Variants in KMT2A observed in about 807,000 individuals in gnomAD.
KMT2A encodes the protein histone-lysine N-methyltransferase 2A.
In KMT2A, 16 loss-of-function variants were observed where a neutral mutation model predicts 345.3. The ratio of observed to expected loss-of-function variants is 0.05; its 90% CI spans 0.03 to 0.07. The LOEUF (loss-of-function observed/expected upper bound fraction) is 0.07, where lower values mean the gene tolerates loss of function less well. Among genes scored for constraint, KMT2A ranks in the 10% least tolerant of loss-of-function variants. The pLI, the probability that KMT2A is intolerant of heterozygous loss-of-function variation, is 1.00. For missense variants in KMT2A, 3,272 were observed against 4,841.6 expected, an observed-to-expected ratio of 0.68 and a Z score of 9.62; for synonymous variants, 1,599 against 1,778.6, an observed-to-expected ratio of 0.90 and a Z score of 2.54.
chr11:118,504,969 C>G lies in KMT2A; in HGVS notation c.9077C>G (p.Thr3026Ser), dbSNP rs373064982. Reference protein sequence around the residue: ...EQGHGNNQDLTRNSSTPGLQV... With the variant: ...EQGHGNNQDLSRNSSTPGLQV... Reference sequence around the variant, plus strand: ...GGTCATGGCAACAATCAGGATTTAACTAGGAACAGTAGCACCCCTGGCCTT... The same window carrying G: ...GGTCATGGCAACAATCAGGATTTAAGTAGGAACAGTAGCACCCCTGGCCTT... The change falls in exon 27 of 36, where the codon ACT (threonine) becomes AGT (serine). Residue 3026 changes from threonine to serine, a missense_variant. By Grantham distance (58) the Thr-to-Ser change is moderately conservative. Around this residue, in one of 27 missense-constraint regions of KMT2A, gnomAD observed 748 missense variants for 922.2 expected, o/e 0.81. Transcript: ENST00000534358. The surrounding 1 kb of genome is among the most constrained non-coding windows in gnomAD (Gnocchi z 6.4). The G allele has an allele frequency of 1.9e-6, 3 of 1,614,190 alleles. No individual in the cohort carries two copies. Among genetic ancestry groups the G allele is most frequent in the Non-Finnish European group, 2.5e-6 (3 of 1,180,038 alleles).
Position 118,484,076 on chromosome 11 carries a change from G to A in KMT2A, c.4087-107G>A. The A allele has an allele frequency of 9.0e-7, 1 of 1,112,944 alleles. No homozygotes were observed. The highest frequency in any genetic ancestry group is 2.4e-5 in the Admixed American group (1 of 41,948). The allele number at this position is 1,112,944 out of a possible 1,614,324, so 68.9% of individuals were successfully genotyped here. ...GATTATTTGTTTATGTTGGAAACATGTTTTTTAGATCTATTAATAAAATTT... is the reference window on the plus strand; with the variant it reads ...GATTATTTGTTTATGTTGGAAACATATTTTTTAGATCTATTAATAAAATTT... On this transcript the variant is annotated intron_variant, in intron 8 of 35. Transcript: ENST00000534358. The surrounding 1 kb of genome is among the most constrained non-coding windows in gnomAD (Gnocchi z 4.1).
At chr11:118,485,134 A>G (rs1950206628) in intron 10 of KMT2A, among the ~76,000 whole-genome samples, 159 bp downstream of exon 10, 1 of 152,222 alleles carries the variant, frequency 6.6e-6, no homozygotes, top group Non-Finnish European at 1.5e-5. Context: ...TTAGGAAGGA[A>G]TCTGCTATTA....
chr11:118,511,944 C>G lies in KMT2A; in HGVS notation c.11072-7C>G. 6.2e-7 allele frequency: 1 copy of G among 1,613,590 alleles called. No homozygotes were observed. The highest frequency in any genetic ancestry group is 8.5e-7 in the Non-Finnish European group (1 of 1,179,560). ...CTGGCTTACGGGTTTTCTTTATTTC[C>G]TTTCAGATGCCTGGAAGTCATTGAC... On this transcript the variant is annotated splice_polypyrimidine_tract_variant and splice_region_variant and intron_variant, in intron 30 of 35. Transcript: ENST00000534358.
intron 31 of KMT2A, among the ~76,000 whole-genome samples, chr11:118,518,736 C>G (rs1386041465): frequency 1.4e-5 from 2 of 139,268 alleles, no homozygotes; most frequent in Non-Finnish European, 3.0e-5. Flanking sequence ...GAGCTGAGAT[C>G]GGACCACTGC....
chr11:118,479,816 T>C (rs1950099884), intron 5 of KMT2A, among the ~76,000 whole-genome samples: 1 of 152,238 alleles, frequency 6.6e-6, no homozygotes, highest in Non-Finnish European at 1.5e-5. Flanking sequence ...GTCTGTTTTG[T>C]GTTAAGATTA....
chr11:118,439,674 A>G (rs1487428642), intron 1 of KMT2A, among the ~76,000 whole-genome samples: 1 of 152,250 alleles, frequency 6.6e-6, no homozygotes, highest in Admixed American at 6.5e-5. Flanking sequence ...AGTTATTTCA[A>G]ATAGGATCAT....
Position 118,505,536 on chromosome 11 carries a change from C to G in KMT2A, c.9644C>G (p.Ala3215Gly). The G allele has an allele frequency of 6.2e-7, 1 of 1,614,142 alleles. No homozygotes were observed. The highest frequency in any genetic ancestry group is 8.5e-7 in the Non-Finnish European group (1 of 1,180,034). Residue 3215 changes from alanine (A) to glycine (G), a missense_variant, in exon 27 of 36, where the codon GCC (alanine) becomes GGC (glycine). Around this residue, in one of 27 missense-constraint regions of KMT2A, gnomAD observed 748 missense variants for 922.2 expected, o/e 0.81. Coordinates refer to ENST00000534358, the MANE Select transcript of KMT2A (RefSeq NM_001197104.2). The surrounding 1 kb of genome is among the most constrained non-coding windows in gnomAD (Gnocchi z 4.6). ...SQRTDLSTTV[A>G]TPSSGLKKRP... ...AGGACAGACCTCAGTACCACAGTAG[C>G]CACTCCATCCTCTGGACTCAAGAAA... is the stretch of plus-strand genomic sequence containing the variant.
At chr11:118,460,297 TC>T (rs1198073480) in intron 1 of KMT2A, among the ~76,000 whole-genome samples, 1 of 152,226 alleles carries the variant, frequency 6.6e-6, no homozygotes, top group Non-Finnish European at 1.5e-5. Flanking sequence ...ATAGACTTTT[TC>T]TTTTTTCTGA....
chr11:118,467,826 G>A (rs567768672), intron 1 of KMT2A, among the ~76,000 whole-genome samples: 2 of 152,222 alleles, frequency 1.3e-5, no homozygotes, highest in South Asian at 4.1e-4. Context: ...CAGAATGTCT[G>A]TTCTTCATTC....
rs542341518 is a variant in KMT2A, at chr11:118,473,648, G to A, written c.2489G>A (p.Ser830Asn). 8 of 1,614,086 alleles carry A rather than the reference G, an allele frequency of 5.0e-6. No individual in the cohort carries two copies. Among genetic ancestry groups the A allele is most frequent in the South Asian group, 2.2e-5 (2 of 91,086 alleles). ...TSAPAEPFSSSSPTPLFPWFT... is the reference protein window; with the variant it reads ...TSAPAEPFSSNSPTPLFPWFT... ...GCTCCGGCAGAGCCATTTTCATCAA[G>A]TAGTCCTACTCCTCTCTTCCCTTGG... Residue 830 changes from serine to asparagine, a missense_variant, in exon 3 of 36, where the codon AGT (serine) becomes AAT (asparagine). Ser to Asn is a conservative substitution (Grantham distance 46). This residue lies in a region of KMT2A where 209 missense variants were observed against 237.4 expected (regional missense o/e 0.88). Coordinates refer to ENST00000534358, the MANE Select transcript of KMT2A (RefSeq NM_001197104.2). This position sits in a 1 kb window ranked among gnomAD's most constrained non-coding sequence, Gnocchi z 5.2.
chr11:118,483,252 G>T (rs1391029785), intron 8 of KMT2A, among the ~76,000 whole-genome samples: 4 of 148,692 alleles, frequency 2.7e-5, no homozygotes, highest in African/African-American at 7.4e-5. Context: ...AAAAAAAGTA[G>T]CCGGGCACGG....
At position 118,491,167 on chromosome 11, in the gene KMT2A, C is replaced by G. The variant is rs1555042342; in HGVS notation, c.4697-29C>G. On this transcript the variant is annotated intron_variant, in intron 13 of 35. Coordinates refer to ENST00000534358, the MANE Select transcript of KMT2A (RefSeq NM_001197104.2). This position sits in a 1 kb window ranked among gnomAD's most constrained non-coding sequence, Gnocchi z 4.2. ...AAAAACACGGGTATGTGAGCCAAAG[C>G]ACTGCTGTAAACTTTGCTTTGCTTT... 8 of 1,608,812 alleles carry G rather than the reference C, an allele frequency of 5.0e-6. No individual in the cohort carries two copies. Among genetic ancestry groups the G allele is most frequent in the Non-Finnish European group, 6.8e-6 (8 of 1,177,784 alleles).
chr11:118,492,126 T>C (rs1950333268), intron 15 of KMT2A, among the ~76,000 whole-genome samples, 198 bp downstream of exon 15: 1 of 152,210 alleles, frequency 6.6e-6, no homozygotes, highest in South Asian at 2.1e-4. Context: ...TTCAAAGGTC[T>C]TGCTGTTACA....
chr11:118,447,528 G>C (rs187572733), intron 1 of KMT2A: 2 of 250,300 alleles, frequency 8.0e-6, no homozygotes, highest in African/African-American at 4.6e-5. Flanking sequence ...GGTTTTGAAA[G>C]CGATGTTAGG....
rs375849517 is a variant in KMT2A, at chr11:118,481,788, C to G, written c.3708C>G (p.Asn1236Lys). The G allele has an allele frequency of 1.2e-6, 2 of 1,614,166 alleles. No homozygotes were observed. The highest frequency in any genetic ancestry group is 8.5e-7 in the Non-Finnish European group (1 of 1,180,016). ...GCAAAGAGAGCAGTGTTGTGAAGAA[C>G]GTGGTGGACTCTAGTCAGAAACCTA... ...KDSKESSVVK[N>K]VVDSSQKPTP... Residue 1236 changes from asparagine (N) to lysine (K), a missense_variant, in exon 7 of 36, where the codon AAC becomes AAG. Transcript: ENST00000534358.
At chr11:118,486,747 C>T (rs1465507581) in intron 10 of KMT2A, among the ~76,000 whole-genome samples, 2 of 151,922 alleles carry the variant, frequency 1.3e-5, no homozygotes, top group African/African-American at 4.8e-5. Flanking sequence ...GTAGCATGTG[C>T]CTGTAGTCCC....
Position 118,503,039 on chromosome 11 carries a change from G to A in KMT2A, c.7147G>A (p.Asp2383Asn), listed in dbSNP as rs376579850. The A allele has an allele frequency of 9.9e-6, 16 of 1,613,200 alleles. No homozygotes were observed. Among genetic ancestry groups the A allele is most frequent in the Admixed American group, 1.7e-5 (1 of 59,994 alleles). ...LHLRGQRNDR[D>N]QHTDSTQSAN... ...TTTGAGAGGGCAAAGGAATGATCGA[G>A]ACCAACACACAGATTCTACCCAATC... The change falls in exon 27 of 36, where the codon GAC becomes AAC. Residue 2383 changes from aspartate to asparagine, a missense_variant. Asp to Asn is a conservative substitution (Grantham distance 23). Coordinates refer to ENST00000534358, the MANE Select transcript of KMT2A (RefSeq NM_001197104.2). The surrounding 1 kb of genome is among the most constrained non-coding windows in gnomAD (Gnocchi z 5.3).
At position 118,498,299 on chromosome 11, in the gene KMT2A, A is replaced by G. The variant is rs1950442671; in HGVS notation, c.5803-71A>G. 3 of 1,414,272 alleles carry G rather than the reference A, an allele frequency of 2.1e-6. No homozygotes were observed. The South Asian group carries it at 3.9e-5, about 18-fold the overall frequency. The allele number at this position is 1,414,272 out of a possible 1,614,324, so 87.6% of individuals were successfully genotyped here. On this transcript the variant is annotated intron_variant, in intron 21 of 35. Coordinates refer to ENST00000534358, the MANE Select transcript of KMT2A (RefSeq NM_001197104.2). The surrounding 1 kb of genome is among the most constrained non-coding windows in gnomAD (Gnocchi z 4.4). ...AGGAACTGTAGAATGGGATGAGTCTATAGAGGAGACGGTAAACGTCTTAAA... is the reference window on the plus strand; with the variant it reads ...AGGAACTGTAGAATGGGATGAGTCTGTAGAGGAGACGGTAAACGTCTTAAA...
In KMT2A at chr11:118,523,592, C is replaced by T. The variant is rs1174161719; in HGVS notation, c.*1420C>T. The T allele has an allele frequency of 4.4e-6, 1 of 227,226 alleles. No individual in the cohort carries two copies. Among genetic ancestry groups the T allele is most frequent in the African/African-American group, 2.2e-5 (1 of 44,986 alleles). 14.1% of individuals were successfully genotyped at this position (227,226 alleles called of 1,614,324 possible). On this transcript the variant is annotated 3_prime_UTR_variant, in exon 36 of 36. Transcript: ENST00000534358. ...ATGTAAATATATTTTGTATATTTTT[C>T]TATGAGAAGCACTTCATAGGGAGAA...
Sources: allele counts gnomAD v4.1 joint callset (sites outside exome capture counted in the v4.1 genomes callset), GRCh38; gene constraint gnomAD v4.1.1; regional missense constraint gnomAD v4.1.1; non-coding constraint Gnocchi (gnomAD v3.1); transcripts MANE v1.5; gene names NCBI Gene and HGNC (gene_info 2026-07-23, HGNC 2026-07-21).